EFCAB6: variants seen among roughly 807,000 people sequenced by gnomAD.
The protein encoded by EFCAB6 is EF-hand calcium-binding domain-containing protein 6.
Under a neutral mutation model 169.8 loss-of-function variants are expected in EFCAB6, and 156 were observed. That is an observed-to-expected ratio of 0.92 (90% CI 0.81 to 1.05). The LOEUF (loss-of-function observed/expected upper bound fraction) is 1.05. Among genes scored for constraint, EFCAB6 ranks in the 50% least tolerant of loss-of-function variants. EFCAB6 has a pLI of 0.00. For synonymous variants in EFCAB6, 698 were observed against 676.4 expected (o/e 1.03, Z -0.50); for missense variants, 1,800 against 1,829.1 (o/e 0.98, Z 0.29).
chr22:43,755,030 C>A (rs1193504241), intron 6 of EFCAB6, among the ~76,000 whole-genome samples: 2 of 152,182 alleles, frequency 1.3e-5, no homozygotes, highest in Non-Finnish European at 2.9e-5. Flanking sequence ...GAAATTGAGA[C>A]AAACATTTTG....
At chr22:43,570,007 G>C (rs138007631) in intron 26 of EFCAB6, 113 of 152,234 alleles carry the variant, frequency 7.4e-4, no homozygotes, top group African/African-American at 2.6e-3. Context: ...TAAAAAGAAA[G>C]ATAAATTGAA....
intron 21 of EFCAB6, among the ~76,000 whole-genome samples, chr22:43,611,291 T>C (rs1031286933): frequency 9.8e-5 from 15 of 152,296 alleles, no homozygotes; most frequent in African/African-American, 2.4e-4. Context: ...TAGCTAATCA[T>C]GGAAGTGAAA....
chr22:43,803,954 T>C (rs2062823046), intron 2 of EFCAB6, among the ~76,000 whole-genome samples: 1 of 152,222 alleles, frequency 6.6e-6, no homozygotes, highest in Non-Finnish European at 1.5e-5. Context: ...GCTCAAGTGA[T>C]CTTCCCCTCA....
chr22:43,580,417 T>C lies in EFCAB6; in HGVS notation c.3228+47A>G, dbSNP rs767914119. The stretch of plus-strand genomic sequence containing the variant: ...AGGGTGGGGCTGAGAGGTGTTTTCA[T>C]GAATCAAGATGAGTTTTCACAGTAA... On this transcript the variant is annotated intron_variant, in intron 25 of 31. Transcript: ENST00000262726. 25 of 1,593,874 alleles carry C rather than the reference T, an allele frequency of 1.6e-5. 1 individual carries two copies. The South Asian group carries it at 2.4e-4, about 15-fold the overall frequency.
At chr22:43,530,086 C>T (rs1206747051) in intron 31 of EFCAB6, among the ~76,000 whole-genome samples, 1 of 152,212 alleles carries the variant, frequency 6.6e-6, no homozygotes, top group African/African-American at 2.4e-5. Context: ...TCTGAGACGG[C>T]CCCTCAATTA....
intron 17 of EFCAB6, among the ~76,000 whole-genome samples, chr22:43,652,211 G>A (rs1020422063): frequency 6.6e-6 from 1 of 152,124 alleles, no homozygotes; most frequent in African/African-American, 2.4e-5. Context: ...TTGAATCATG[G>A]GGGCAAGTCT....
intron 10 of EFCAB6, among the ~76,000 whole-genome samples, chr22:43,706,749 G>A (rs985785622): frequency 9.2e-5 from 14 of 152,152 alleles, no homozygotes; most frequent in Non-Finnish European, 1.9e-4. Flanking sequence ...TTTTTCCAAT[G>A]TGTCCACGTC....
intron 12 of EFCAB6, among the ~76,000 whole-genome samples, chr22:43,679,782 ATCT>A (rs1020163854): frequency 4.6e-5 from 7 of 152,250 alleles, no homozygotes; most frequent in African/African-American, 1.2e-4. Flanking sequence ...CTGTTCACAG[ATCT>A]TCTTGGGTAA....
intron 3 of EFCAB6, among the ~76,000 whole-genome samples, chr22:43,776,227 C>A (rs1394594563): frequency 6.6e-6 from 1 of 152,080 alleles, no homozygotes; most frequent in Non-Finnish European, 1.5e-5. Flanking sequence ...GGGAAACAGG[C>A]CCAATGGGAA....
chr22:43,731,950 C>T, intron 7 of EFCAB6, 139 bp from the exon 8 acceptor site: 1 of 494,514 alleles, frequency 2.0e-6, no homozygotes, highest in Non-Finnish European at 3.4e-6. Flanking sequence ...AAAAAGTAAA[C>T]CCCAGAAAAT....
intron 10 of EFCAB6, among the ~76,000 whole-genome samples, chr22:43,711,105 G>C (rs760028826): frequency 2.0e-5 from 3 of 151,782 alleles, no homozygotes; most frequent in Non-Finnish European, 2.9e-5. Context: ...ACCTTGACTG[G>C]ATATTTATTA....
chr22:43,666,187 C>T (rs1031929399), intron 17 of EFCAB6, among the ~76,000 whole-genome samples: 4 of 152,188 alleles, frequency 2.6e-5, no homozygotes, highest in Non-Finnish European at 5.9e-5. Context: ...CCCATATGCT[C>T]ATACAACAAA....
chr22:43,649,154 T>C (rs909253684), intron 17 of EFCAB6, among the ~76,000 whole-genome samples: 2 of 152,196 alleles, frequency 1.3e-5, no homozygotes, highest in Non-Finnish European at 2.9e-5. Context: ...AGGGAGGAAC[T>C]GGGAGTCCTG....
intron 23 of EFCAB6, 143 bp downstream of exon 23, chr22:43,599,926 G>C (rs548867907): frequency 5.8e-4 from 541 of 926,700 alleles, no homozygotes; most frequent in Middle Eastern, 1.1e-3. Context: ...CCAATTTCTA[G>C]AATCGACAAC....
intron 17 of EFCAB6, among the ~76,000 whole-genome samples, chr22:43,662,778 A>G (rs957967571): frequency 6.6e-6 from 1 of 152,210 alleles, no homozygotes; most frequent in Non-Finnish European, 1.5e-5. Context: ...CCAAGCCAGA[A>G]TTACTCCAGA....
chr22:43,693,211 A>G (rs974139968), intron 10 of EFCAB6, among the ~76,000 whole-genome samples: 3 of 152,104 alleles, frequency 2.0e-5, no homozygotes, highest in Non-Finnish European at 4.4e-5. Context: ...ATTAATGTAA[A>G]GACCCGGATA....
At chr22:43,561,515 G>A (rs2049035340) in intron 26 of EFCAB6, among the ~76,000 whole-genome samples, 1 of 152,154 alleles carries the variant, frequency 6.6e-6, no homozygotes, top group African/African-American at 2.4e-5. Context: ...CAGGCCCCAT[G>A]GATGCTGCCG....
At position 43,668,917 on chromosome 22, in the gene EFCAB6, T is replaced by A; in HGVS notation, c.1769A>T (p.Glu590Val). Residue 590 changes from glutamate to valine, a missense_variant, in exon 16 of 32, where the codon GAA becomes GTA. By Grantham distance (121) the Glu-to-Val change is moderately radical. Coordinates refer to ENST00000262726, the MANE Select transcript of EFCAB6 (RefSeq NM_022785.4). The part of the protein sequence containing the change: ...VLVPKDQLLS[E>V]HLQKDEQQQP... ...CTGCTGTTCATCTTTTTGTAAATGTTCACTTAACAGCTGATCCTTTGGAAC... is the reference window on the plus strand; with the variant it reads ...CTGCTGTTCATCTTTTTGTAAATGTACACTTAACAGCTGATCCTTTGGAAC... 1 of 1,609,186 alleles carries A rather than the reference T, an allele frequency of 6.2e-7. No homozygotes were observed. Among genetic ancestry groups the A allele is most frequent in the Non-Finnish European group, 8.5e-7 (1 of 1,177,934 alleles).
intron 17 of EFCAB6, among the ~76,000 whole-genome samples, chr22:43,666,098 T>C (rs192722775): frequency 1.3e-4 from 20 of 152,342 alleles, no homozygotes; most frequent in African/African-American, 3.8e-4. Context: ...TATTCCCTTA[T>C]GTCTTATGTC....
Sources: allele counts gnomAD v4.1 joint callset (sites outside exome capture counted in the v4.1 genomes callset), GRCh38; gene constraint gnomAD v4.1.1; transcripts MANE v1.5; gene names NCBI Gene and HGNC (gene_info 2026-07-23, HGNC 2026-07-21).